RBFOX1: variants seen among roughly 807,000 people sequenced by gnomAD.
RBFOX1 encodes RNA binding fox-1 homolog 1, also known as RNA binding protein fox-1 homolog 1.
In RBFOX1, 8 loss-of-function variants were observed where a neutral mutation model predicts 57.7. The observed-to-expected ratio is 0.14, with a 90% CI of 0.08 to 0.25. The LOEUF is 0.25. Ranked by LOEUF, RBFOX1 falls within the 10% of genes least tolerant of loss-of-function variation. The pLI is 1.00. For synonymous variants in RBFOX1, 326 were observed against 222.4 expected (o/e 1.47, Z -4.15); for missense variants, 611 against 548.5 (o/e 1.11, Z -1.14).
At chr16:5,497,814 T>C (rs912235504) in intron 2 of RBFOX1, among the ~76,000 whole-genome samples, 2 of 152,068 alleles carry the variant, frequency 1.3e-5, no homozygotes, top group African/African-American at 4.8e-5. Flanking sequence ...TTACAGATTC[T>C]GATAATTGTC....
intron 5 of RBFOX1, among the ~76,000 whole-genome samples, chr16:7,577,482 C>G (rs1174678999): frequency 1.3e-5 from 2 of 152,234 alleles, no homozygotes; most frequent in South Asian, 2.1e-4. Flanking sequence ...TTCACCTCTT[C>G]TCTTAGACAT....
chr16:6,952,215 A>G (rs541880923), intron 3 of RBFOX1, among the ~76,000 whole-genome samples: 26 of 152,206 alleles, frequency 1.7e-4, no homozygotes, highest in Non-Finnish European at 3.7e-4. Flanking sequence ...CACTGAGATG[A>G]AAGAAAAAGA....
chr16:6,796,309 G>A (rs762451018), intron 3 of RBFOX1, among the ~76,000 whole-genome samples: 2 of 152,134 alleles, frequency 1.3e-5, no homozygotes, highest in African/African-American at 2.4e-5. Flanking sequence ...CTTGGGAATT[G>A]TGGCAGTTAC....
intron 4 of RBFOX1, among the ~76,000 whole-genome samples, chr16:5,990,452 C>A (rs911163129): frequency 6.6e-6 from 1 of 152,240 alleles, no homozygotes; most frequent in Non-Finnish European, 1.5e-5. Context: ...GGATCCCCAG[C>A]CTCTATACTT....
In RBFOX1 at chr16:6,313,589, T is replaced by C. The variant is rs369917083; in HGVS notation, c.-126-3406T>C. Among the ~76,000 whole-genome samples, 56 of 152,268 alleles carry C rather than the reference T, an allele frequency of 3.7e-4. 1 individual carries two copies. The highest frequency in any genetic ancestry group is 1.3e-3 in the African/African-American group (53 of 41,552). On this transcript the variant is annotated intron_variant, in intron 1 of 15. Transcript: ENST00000550418. Reference sequence around the variant, plus strand: ...TCGGTTTGCTATTTTGTGCATCCATTTGGATGGAGTGCATAGGTGAAGGTA... The same window carrying C: ...TCGGTTTGCTATTTTGTGCATCCATCTGGATGGAGTGCATAGGTGAAGGTA...
chr16:5,376,550 G>C (rs762769872), intron 1 of RBFOX1, among the ~76,000 whole-genome samples: 1 of 152,190 alleles, frequency 6.6e-6, no homozygotes, highest in Non-Finnish European at 1.5e-5. Context: ...AGAGGAGGCA[G>C]TTGATGAAGG....
At chr16:6,483,936 T>C in intron 2 of RBFOX1, 2 of 1,062,270 alleles carry the variant, frequency 1.9e-6, no homozygotes, top group Non-Finnish European at 2.3e-6. Flanking sequence ...GAGCTCCAGC[T>C]CCGGGGACCT....
intron 1 of RBFOX1, among the ~76,000 whole-genome samples, chr16:5,259,278 A>G (rs2062668994): frequency 1.3e-5 from 2 of 151,974 alleles, no homozygotes; most frequent in African/African-American, 4.8e-5. Flanking sequence ...TATTAAATAC[A>G]CCAATTCCTG....
chr16:7,207,178 G>A lies in RBFOX1; in HGVS notation c.27+155080G>A, dbSNP rs558858998. Among the ~76,000 whole-genome samples the A allele has an allele frequency of 3.9e-5, 6 of 152,258 alleles. 1 individual carries two copies. The highest frequency in any genetic ancestry group is 6.8e-3 in the Middle Eastern group (2 of 292). ...GGTGTACGCTGTATTTTCTTTTATA[G>A]CATCTTCATTACCTTTGTGTCTTCC... On this transcript the variant is annotated intron_variant, in intron 4 of 15. Transcript: ENST00000550418.
At chr16:7,023,750 C>A (rs866498603) in intron 3 of RBFOX1, among the ~76,000 whole-genome samples, 1 of 151,874 alleles carries the variant, frequency 6.6e-6, no homozygotes, top group African/African-American at 2.4e-5. Flanking sequence ...CTTATCAATC[C>A]CTGTGTTCTT....
chr16:6,099,742 A>G (rs983593035), intron 1 of RBFOX1, among the ~76,000 whole-genome samples: 3 of 152,222 alleles, frequency 2.0e-5, no homozygotes, highest in African/African-American at 4.8e-5. Flanking sequence ...GTATACAGGA[A>G]AGTGCTCTGT....
intron 4 of RBFOX1, among the ~76,000 whole-genome samples, chr16:5,903,859 G>T (rs1172872377): frequency 2.0e-5 from 3 of 152,150 alleles, no homozygotes; most frequent in African/African-American, 7.2e-5. Context: ...GCAGATGCGG[G>T]GGCCTTGGTT....
At chr16:7,178,377 C>A (rs1396128581) in intron 4 of RBFOX1, among the ~76,000 whole-genome samples, 1 of 152,138 alleles carries the variant, frequency 6.6e-6, no homozygotes. Flanking sequence ...TTGGGCATAG[C>A]TACTTGCAAG....
At position 5,514,746 on chromosome 16, in the gene RBFOX1, G is replaced by T. The variant is rs146921584; in HGVS notation, c.258+47492G>T. On this transcript the variant is annotated intron_variant, in intron 2 of 2. Transcript: ENST00000585867. Reference sequence around the variant, plus strand: ...AGGAGCAGGAGGAGGAGGAGGGAAGGAGGAAGGGGAAGAGGGGGAATCAGA... The same window carrying T: ...AGGAGCAGGAGGAGGAGGAGGGAAGTAGGAAGGGGAAGAGGGGGAATCAGA... Among the ~76,000 whole-genome samples, 726 of 152,240 alleles carry T rather than the reference G, an allele frequency of 4.8e-3. 12 individuals carry two copies. Among genetic ancestry groups the T allele is most frequent in the South Asian group, 0.038 (181 of 4,810 alleles).
chr16:7,229,864 G>A (rs1413728800), intron 4 of RBFOX1, among the ~76,000 whole-genome samples: 1 of 16,564 alleles, frequency 6.0e-5, no homozygotes, highest in African/African-American at 4.3e-4. Context: ...GGAAGGGAGA[G>A]AGAGGAAGGA....
rs542506870 is a variant in RBFOX1, at chr16:7,295,694, C to T, written c.28-222453C>T. On this transcript the variant is annotated intron_variant, in intron 4 of 15. Transcript: ENST00000550418. ...TGTACTCAGGGGAGTACACCTTTTG[C>T]AGTCTCGCTGTTTGTGTTTGAGGCA... is the stretch of plus-strand genomic sequence containing the variant. 3.3e-5 allele frequency among the ~76,000 whole-genome samples: 5 copies of T among 152,128 alleles called. No individual in the cohort carries two copies. In the East Asian group the frequency reaches 9.8e-4, roughly 30 times the overall value.
chr16:5,990,976 G>C (rs1031311392), intron 4 of RBFOX1, among the ~76,000 whole-genome samples: 8 of 151,800 alleles, frequency 5.3e-5, no homozygotes, highest in African/African-American at 1.9e-4. Flanking sequence ...CTCTGTCAGA[G>C]AGAGAAAAAA....
In RBFOX1 at chr16:7,304,774, C is replaced by T. The variant is rs149691629; in HGVS notation, c.28-213373C>T. Among the ~76,000 whole-genome samples the T allele has an allele frequency of 9.9e-5, 15 of 152,274 alleles. No homozygotes were observed. The East Asian group carries it at 2.9e-3, about 29-fold the overall frequency. On this transcript the variant is annotated intron_variant, in intron 4 of 15. Transcript: ENST00000550418. ...TTCCTTGCTACCATCTTCCTTGTGTCAGTGCCTTTCGTGGTGATCTGAGTC... is the reference window on the plus strand; with the variant it reads ...TTCCTTGCTACCATCTTCCTTGTGTTAGTGCCTTTCGTGGTGATCTGAGTC...
intron 3 of RBFOX1, among the ~76,000 whole-genome samples, chr16:5,814,129 C>A (rs1043880853): frequency 6.6e-6 from 1 of 152,064 alleles, no homozygotes; most frequent in Non-Finnish European, 1.5e-5. Context: ...TGGTACCTTC[C>A]CCTCTCCAAA....
Sources: allele counts gnomAD v4.1 joint callset (sites outside exome capture counted in the v4.1 genomes callset), GRCh38; gene constraint gnomAD v4.1.1; transcripts MANE v1.5; gene names NCBI Gene and HGNC (gene_info 2026-07-23, HGNC 2026-07-21).